The following CSMD1 variants were observed in gnomAD, a reference collection of about 807,000 sequenced individuals.
CSMD1 encodes the protein CUB and sushi domain-containing protein 1.
In CSMD1, 213 loss-of-function variants were observed where a neutral mutation model predicts 417.5. The ratio of observed to expected loss-of-function variants is 0.51; its 90% confidence interval spans 0.46 to 0.57. The LOEUF (loss-of-function observed/expected upper bound fraction) is 0.57. CSMD1 is among the 20% of genes least tolerant of loss of function. CSMD1 has a pLI of 0.00. For missense variants in CSMD1, 6,923 were observed against 4,529.7 expected, an observed-to-expected ratio of 1.53 and a Z score of -15.17; for synonymous variants, 2,862 against 1,736.8, an observed-to-expected ratio of 1.65 and a Z score of -16.11.
chr8:4,352,999 C>T (rs1490535449), intron 3 of CSMD1, among the ~76,000 whole-genome samples: 1 of 152,194 alleles, frequency 6.6e-6, no homozygotes, highest in Admixed American at 6.5e-5. Flanking sequence ...ATTAAAATGA[C>T]TAATTATTTC....
chr8:3,676,635 G>C (rs1799388020), intron 7 of CSMD1, among the ~76,000 whole-genome samples: 1 of 152,100 alleles, frequency 6.6e-6, no homozygotes, highest in Non-Finnish European at 1.5e-5. Context: ...TGTGTTGTGG[G>C]ACCACGCACA....
At chr8:3,101,876 A>G (rs1815781870) in intron 46 of CSMD1, among the ~76,000 whole-genome samples, 1 of 137,714 alleles carries the variant, frequency 7.3e-6, no homozygotes, top group South Asian at 2.2e-4. Context: ...ATCTCAGCTC[A>G]CTGCAACCTC....
intron 7 of CSMD1, 32 bp downstream of exon 7, chr8:3,708,382 T>C (rs371508972): frequency 1.3e-6 from 2 of 1,586,196 alleles, no homozygotes; most frequent in South Asian, 1.1e-5. Context: ...CAAGGGCGTA[T>C]CAATCCTCAG....
intron 5 of CSMD1, among the ~76,000 whole-genome samples, chr8:3,835,896 A>T (rs1214538838): frequency 6.6e-6 from 1 of 151,906 alleles, no homozygotes; most frequent in South Asian, 2.1e-4. Flanking sequence ...GAAGGCTTTG[A>T]TAAGACTTTT....
At chr8:4,821,998 C>A (rs569138255) in intron 1 of CSMD1, among the ~76,000 whole-genome samples, 15 of 151,984 alleles carry the variant, frequency 9.9e-5, no homozygotes, top group Non-Finnish European at 1.5e-4. Flanking sequence ...CTCTGTAATG[C>A]AATGACTTCT....
At chr8:4,971,623 C>A (rs1202090308) in intron 1 of CSMD1, among the ~76,000 whole-genome samples, 1 of 151,706 alleles carries the variant, frequency 6.6e-6, no homozygotes, top group Non-Finnish European at 1.5e-5. Flanking sequence ...ATTGCAAATG[C>A]ATGCATCAAA....
intron 47 of CSMD1, among the ~76,000 whole-genome samples, chr8:3,092,180 C>A (rs1018309840): frequency 5.9e-5 from 9 of 151,804 alleles, no homozygotes; most frequent in Non-Finnish European, 1.0e-4. Context: ...AATTTTAGAT[C>A]AAACTAGTAA....
chr8:3,912,678 C>T (rs955784944), intron 5 of CSMD1, among the ~76,000 whole-genome samples: 1 of 152,128 alleles, frequency 6.6e-6, no homozygotes, highest in Admixed American at 6.5e-5. Flanking sequence ...GTTTGATAAA[C>T]TGAGAAATAC....
At chr8:3,885,144 C>A (rs1329077774) in intron 5 of CSMD1, among the ~76,000 whole-genome samples, 3 of 151,964 alleles carry the variant, frequency 2.0e-5, no homozygotes, top group Non-Finnish European at 4.4e-5. Flanking sequence ...TAACAAGATC[C>A]CATCTCGTGA....
At chr8:3,820,252 T>C (rs78210731) in intron 5 of CSMD1, among the ~76,000 whole-genome samples, 35 of 152,252 alleles carry the variant, frequency 2.3e-4, no homozygotes, top group Admixed American at 3.9e-4. Context: ...TCCCAGACCA[T>C]GTGGCAAATG....
chr8:3,749,359 T>C (rs1797210093), intron 6 of CSMD1, among the ~76,000 whole-genome samples: 1 of 152,220 alleles, frequency 6.6e-6, no homozygotes. Context: ...ACAATGTCAT[T>C]TTAAAAGTGA....
intron 3 of CSMD1, among the ~76,000 whole-genome samples, chr8:4,137,096 T>C (rs1048395652): frequency 6.6e-6 from 1 of 152,320 alleles, no homozygotes; most frequent in South Asian, 2.1e-4. Context: ...TCTGCTTATT[T>C]TGGGAGAATT....
chr8:4,053,468 G>C (rs1798538610), intron 3 of CSMD1, among the ~76,000 whole-genome samples: 1 of 151,710 alleles, frequency 6.6e-6, no homozygotes, highest in Admixed American at 6.6e-5. Context: ...TGAAGTTCAA[G>C]GTTTTGGCCA....
intron 3 of CSMD1, among the ~76,000 whole-genome samples, chr8:4,166,534 T>G (rs1797466078): frequency 6.6e-6 from 1 of 152,128 alleles, no homozygotes. Flanking sequence ...ATATTCTCAT[T>G]TATAAGTGGG....
intron 7 of CSMD1, among the ~76,000 whole-genome samples, chr8:3,668,859 G>A (rs1437060022): frequency 1.3e-5 from 2 of 152,102 alleles, no homozygotes; most frequent in Non-Finnish European, 2.9e-5. Context: ...GAATTATATT[G>A]CTCTGGTGGC....
chr8:4,974,990 T>G (rs144419814), intron 1 of CSMD1, among the ~76,000 whole-genome samples: 40 of 152,300 alleles, frequency 2.6e-4, no homozygotes, highest in African/African-American at 9.4e-4. Context: ...TGTTAGTCTG[T>G]GAGAAAATGG....
At chr8:4,258,608 C>T (rs1803652990) in intron 3 of CSMD1, among the ~76,000 whole-genome samples, 1 of 72,030 alleles carries the variant, frequency 1.4e-5, no homozygotes, top group Non-Finnish European at 3.3e-5. Context: ...CCCTTGTTCT[C>T]ATAGGGGCAC....
rs192356876 is a variant in CSMD1 at position 4,088,785 on chromosome 8, C to G, written c.416-56686G>C. ...TCCAACAGCCTCAGCTCCCACCCTC[C>G]CAGACCAAACACATTGATCCCTCAG... On this transcript the variant is annotated intron_variant, in intron 3 of 69. Coordinates refer to ENST00000635120, the MANE Select transcript of CSMD1 (RefSeq NM_033225.6). Among the ~76,000 whole-genome samples the G allele has an allele frequency of 2.5e-3, 386 of 152,246 alleles. 1 individual carries two copies. The highest frequency in any genetic ancestry group is 4.1e-3 in the Non-Finnish European group (279 of 68,016).
chr8:4,449,380 A>G (rs908873058), intron 2 of CSMD1, among the ~76,000 whole-genome samples: 2 of 152,306 alleles, frequency 1.3e-5, no homozygotes, highest in Admixed American at 6.5e-5. Context: ...ATTCTGGTGT[A>G]TAACATAAGA....
Sources: gnomAD v4.1 joint callset for allele counts (sites outside exome capture counted in the v4.1 genomes callset) on GRCh38, gnomAD v4.1.1 for gene constraint, MANE v1.5 for transcripts, NCBI Gene and HGNC (gene_info 2026-07-23, HGNC 2026-07-21) for gene names.